Variants in PSD3 observed in about 807,000 individuals in gnomAD.
PSD3 encodes pleckstrin and Sec7 domain containing 3.
In PSD3, 49 loss-of-function variants were observed where a neutral mutation model predicts 105.5. The observed-to-expected ratio is 0.46, with a 90% CI of 0.37 to 0.59. The LOEUF is 0.59. Among genes scored for constraint, PSD3 ranks in the 20% least tolerant of loss-of-function variants. The pLI is 0.00. For missense variants in PSD3, 1,561 were observed against 1,263.8 expected (o/e 1.24, Z -3.57); for synonymous variants, 557 against 457.8 (o/e 1.22, Z -2.77).
At chr8:18,807,583 A>T (rs1811313779) in intron 4 of PSD3, among the ~76,000 whole-genome samples, 1 of 152,162 alleles carries the variant, frequency 6.6e-6, no homozygotes, top group African/African-American at 2.4e-5. Flanking sequence ...TTCAGTTATT[A>T]AAACTCTAAG....
intron 1 of PSD3, among the ~76,000 whole-genome samples, chr8:19,057,301 C>G (rs1025630032): frequency 6.6e-6 from 1 of 152,166 alleles, no homozygotes; most frequent in African/African-American, 2.4e-5. Flanking sequence ...TGCTCTTCAG[C>G]CTACTAGAAT....
chr8:19,069,767 A>G (rs1829192699), intron 1 of PSD3, among the ~76,000 whole-genome samples: 1 of 152,184 alleles, frequency 6.6e-6, no homozygotes, highest in Admixed American at 6.5e-5. Flanking sequence ...CTGGACTTCA[A>G]AACCAGAACT....
At chr8:18,646,770 T>C (rs1007840501) in intron 10 of PSD3, among the ~76,000 whole-genome samples, 11 of 152,146 alleles carry the variant, frequency 7.2e-5, no homozygotes, top group African/African-American at 2.2e-4. Context: ...TTAATTAATA[T>C]GTATTAATAC....
rs530535379 is a variant in PSD3 at position 18,803,218 on chromosome 8, T to C, written c.1910+1304A>G. 128 of 167,128 alleles carry C rather than the reference T, an allele frequency of 7.7e-4. 1 individual carries two copies. Among genetic ancestry groups the C allele is most frequent in the African/African-American group, 3.6e-3 (115 of 31,752 alleles). 10.4% of individuals were successfully genotyped at this position (167,128 alleles called of 1,614,324 possible). On this transcript the variant is annotated intron_variant, in intron 6 of 15. Transcript: ENST00000327040. ...AGGAGAACTGCTTGAACCTGGGAGG[T>C]GGAGGTTGCAGTGAGCCAAGATGGT...
At chr8:18,989,188 G>A (rs998948909) in intron 1 of PSD3, 1 of 152,204 alleles carries the variant, frequency 6.6e-6, no homozygotes, top group South Asian at 2.1e-4. Context: ...AGCACCTCCT[G>A]TGCACTGGAG....
intron 2 of PSD3, among the ~76,000 whole-genome samples, chr8:18,874,134 A>G (rs931529768): frequency 2.0e-5 from 3 of 151,936 alleles, no homozygotes; most frequent in African/African-American, 4.8e-5. Flanking sequence ...AGAGGACATT[A>G]GTTGTTACCA....
chr8:18,556,610 A>G (rs1801091780), intron 14 of PSD3, among the ~76,000 whole-genome samples: 2 of 152,140 alleles, frequency 1.3e-5, no homozygotes, highest in Non-Finnish European at 2.9e-5. Flanking sequence ...CGAGCTCTTT[A>G]TCAGGTGTAA....
chr8:19,076,622 A>G (rs958452256), intron 1 of PSD3, among the ~76,000 whole-genome samples: 3 of 152,230 alleles, frequency 2.0e-5, no homozygotes, highest in Admixed American at 2.0e-4. Context: ...ATGTTTAAAG[A>G]AACAGAAACA....
At chr8:18,927,245 ACT>A (rs1463102064) in intron 2 of PSD3, among the ~76,000 whole-genome samples, 1 of 151,676 alleles carries the variant, frequency 6.6e-6, no homozygotes, top group Non-Finnish European at 1.5e-5. Context: ...ACAGAGTGTC[ACT>A]CTGTTGCCCA....
At chr8:19,063,406 G>T (rs1206006799) in intron 1 of PSD3, among the ~76,000 whole-genome samples, 1 of 152,118 alleles carries the variant, frequency 6.6e-6, no homozygotes, top group Non-Finnish European at 1.5e-5. Context: ...CAGTTCTTTG[G>T]ATATTTGTGA....
chr8:18,564,927 C>T (rs545425454), intron 14 of PSD3, among the ~76,000 whole-genome samples: 25 of 152,172 alleles, frequency 1.6e-4, no homozygotes, highest in Middle Eastern at 3.4e-3. Flanking sequence ...TATTTAGTAC[C>T]CATGGATTCA....
intron 4 of PSD3, among the ~76,000 whole-genome samples, chr8:18,818,527 T>C (rs768096062): frequency 6.6e-6 from 1 of 152,234 alleles, no homozygotes; most frequent in African/African-American, 2.4e-5. Context: ...ATTTTAAGAC[T>C]GAAATCATGG....
chr8:18,959,127 G>T (rs1353404675), intron 1 of PSD3, among the ~76,000 whole-genome samples: 8 of 152,016 alleles, frequency 5.3e-5, no homozygotes, highest in African/African-American at 1.9e-4. Flanking sequence ...CACCACGTTG[G>T]CCAGGCTGGT....
At chr8:18,934,744 A>C (rs1821997117) in intron 2 of PSD3, among the ~76,000 whole-genome samples, 1 of 152,332 alleles carries the variant, frequency 6.6e-6, no homozygotes, top group Admixed American at 6.5e-5. Flanking sequence ...ACAGTTTATA[A>C]GTTCAAGGCC....
intron 4 of PSD3, among the ~76,000 whole-genome samples, chr8:18,830,055 C>T (rs979718989): frequency 6.6e-6 from 1 of 152,132 alleles, no homozygotes. Context: ...GTAACCTCTG[C>T]TTCCTGGGTT....
At chr8:18,838,802 AAATAATAATAATAAT>A (rs55792203) in intron 4 of PSD3, among the ~76,000 whole-genome samples, 77 of 131,858 alleles carry the variant, frequency 5.8e-4, no homozygotes, top group Middle Eastern at 4.1e-3. Context: ...ACTCCGTCTC[AAATAATAATAATAAT>A]AATAATAATA....
chr8:18,693,723 T>C (rs138147038), intron 9 of PSD3, among the ~76,000 whole-genome samples: 143 of 152,340 alleles, frequency 9.4e-4, no homozygotes, highest in African/African-American at 2.2e-3. Flanking sequence ...ACGTGGCACT[T>C]TCCTCTGCAC....
intron 2 of PSD3, among the ~76,000 whole-genome samples, chr8:18,877,464 C>A (rs1345502376): frequency 1.3e-5 from 2 of 151,850 alleles, no homozygotes; most frequent in African/African-American, 4.8e-5. Context: ...TGTCAAAAAT[C>A]AAACATATAC....
intron 14 of PSD3, among the ~76,000 whole-genome samples, chr8:18,562,388 C>A (rs1329878195): frequency 1.3e-5 from 2 of 152,212 alleles, no homozygotes; most frequent in Non-Finnish European, 2.9e-5. Context: ...CAACTTCTAT[C>A]ATGAAGTCAC....
Sources: allele counts gnomAD v4.1 joint callset (sites outside exome capture counted in the v4.1 genomes callset), GRCh38; gene constraint gnomAD v4.1.1; transcripts MANE v1.5; gene names NCBI Gene and HGNC (gene_info 2026-07-23, HGNC 2026-07-21).